SEL1L: variants seen among roughly 807,000 people sequenced by gnomAD.
SEL1L encodes the protein protein sel-1 homolog 1.
SEL1L carries 52 observed loss-of-function variants against 109.8 expected under a neutral mutation model. The ratio of observed to expected loss-of-function variants is 0.47; its 90% CI spans 0.38 to 0.60. SEL1L has a LOEUF of 0.60. SEL1L is among the 20% of genes least tolerant of loss of function. The pLI, the probability that SEL1L is intolerant of heterozygous loss-of-function variation, is 0.00. For missense variants in SEL1L, 749 were observed against 962.2 expected (o/e 0.78, Z 2.93); for synonymous variants, 373 against 339.6 (o/e 1.10, Z -1.08).
chr14:81,503,879 G>T (rs1227274566), intron 5 of SEL1L, among the ~76,000 whole-genome samples: 1 of 152,084 alleles, frequency 6.6e-6, no homozygotes, highest in Non-Finnish European at 1.5e-5. Flanking sequence ...AAACGTACTT[G>T]ACAACAATTC....
At position 81,477,131 on chromosome 14, in the gene SEL1L, C is replaced by A. The variant is rs748407403; in HGVS notation, c.2226G>T (p.Glu742Asp). ...QLDMDQLLGPEWDLYLMTIIA... is the reference protein window; with the variant it reads ...QLDMDQLLGPDWDLYLMTIIA... ...TGATGGTCATGAGGTAAAGGTCCCA[C>A]TCAGGTCCCAAAAGCTGGTCCATAT... The change falls in exon 21 of 21, where the codon GAG becomes GAT. Residue 742 changes from glutamate (E) to aspartate (D), a missense_variant. Around this residue, in one of 2 missense-constraint regions of SEL1L, gnomAD observed 383 missense variants for 562.5 expected, o/e 0.68. Transcript: ENST00000336735. 1 of 1,614,158 alleles carries A rather than the reference C, an allele frequency of 6.2e-7. No individual in the cohort carries two copies. The highest frequency in any genetic ancestry group is 2.2e-5 in the East Asian group (1 of 44,882).
At chr14:81,505,984 T>C (rs1345717935) in intron 4 of SEL1L, 90 bp downstream of exon 4, 8 of 1,298,236 alleles carry the variant, frequency 6.2e-6, no homozygotes, top group Admixed American at 2.1e-5. Context: ...TTCTGACCAA[T>C]GTGGAAAAAG....
intron 3 of SEL1L, among the ~76,000 whole-genome samples, chr14:81,511,522 C>T (rs1174368324): frequency 6.6e-6 from 1 of 152,178 alleles, no homozygotes; most frequent in East Asian, 1.9e-4. Flanking sequence ...GGATGGTCTC[C>T]TAAAGGAGTT....
intron 3 of SEL1L, among the ~76,000 whole-genome samples, chr14:81,513,478 T>C (rs974989055): frequency 3.3e-5 from 5 of 152,110 alleles, no homozygotes; most frequent in Non-Finnish European, 7.4e-5. Context: ...CCTTAAGAAC[T>C]GTAACACTCA....
chr14:81,514,802 C>T (rs952113441), intron 3 of SEL1L, among the ~76,000 whole-genome samples: 8 of 152,112 alleles, frequency 5.3e-5, no homozygotes, highest in Admixed American at 2.6e-4. Context: ...ACCCATAAAC[C>T]CTGAAAAAGA....
intron 3 of SEL1L, among the ~76,000 whole-genome samples, chr14:81,513,731 C>T (rs1452451557): frequency 6.6e-6 from 1 of 152,184 alleles, no homozygotes; most frequent in Admixed American, 6.5e-5. Context: ...GGATGTCAGG[C>T]TTTCTGGGAA....
intron 1 of SEL1L, among the ~76,000 whole-genome samples, chr14:81,533,169 A>C (rs1011220038): frequency 6.6e-6 from 1 of 152,210 alleles, no homozygotes; most frequent in South Asian, 2.1e-4. Context: ...CGATGAGATC[A>C]AAAGTCTTCG....
chr14:81,507,400 ATATG>A (rs1884282395), intron 3 of SEL1L, among the ~76,000 whole-genome samples: 1 of 152,040 alleles, frequency 6.6e-6, no homozygotes, highest in East Asian at 1.9e-4. Context: ...AAGGAGGTAG[ATATG>A]GTACCACTTT....
At chr14:81,533,634 C>G in intron 1 of SEL1L, 41 bp downstream of exon 1, 1 of 1,593,458 alleles carries the variant, frequency 6.3e-7, no homozygotes. Context: ...GGCTGGGGGG[C>G]GGAGGCTCTG....
Position 81,486,284 on chromosome 14 carries a change from C to A in SEL1L, c.1798+5G>T. On this transcript the variant is annotated splice_donor_5th_base_variant and intron_variant, in intron 17 of 20. Coordinates refer to ENST00000336735, the MANE Select transcript of SEL1L (RefSeq NM_005065.6). ...AACCTAAGGCAGGACTAAAATGAAC[C>A]TTACTCTGATCAAGAATAAAGGCTG... 3.7e-6 allele frequency: 6 copies of A among 1,613,974 alleles called. No homozygotes were observed. Among genetic ancestry groups the A allele is most frequent in the Non-Finnish European group, 5.1e-6 (6 of 1,179,946 alleles).
Position 81,472,340 on chromosome 14 carries a change from T to G in SEL1L, c.*4632A>C. ...ATCTGACATCTCAGTTGCCACAGTT[T>G]GCATCATGTAGGCTTTTTATCCAAG... is the stretch of plus-strand genomic sequence containing the variant. On this transcript the variant is annotated 3_prime_UTR_variant, in exon 21 of 21. Coordinates refer to ENST00000336735, the MANE Select transcript of SEL1L (RefSeq NM_005065.6). 1 of 198,458 alleles carries G rather than the reference T, an allele frequency of 5.0e-6. No individual in the cohort carries two copies. The highest frequency in any genetic ancestry group is 7.3e-5 in the South Asian group (1 of 13,716). 12.3% of individuals were successfully genotyped at this position (198,458 alleles called of 1,614,324 possible). A position where few individuals can be genotyped will look rare whatever the true frequency, so the allele number is the denominator to read the frequency against.
At chr14:81,484,689 C>T (rs1322399855) in intron 18 of SEL1L, among the ~76,000 whole-genome samples, 1 of 152,162 alleles carries the variant, frequency 6.6e-6, no homozygotes, top group Non-Finnish European at 1.5e-5. Flanking sequence ...ATCTGAAATG[C>T]TCCAAAACCT....
At position 81,471,719 on chromosome 14, in the gene SEL1L, C is replaced by T. The variant is rs1168337728; in HGVS notation, c.*5253G>A. 3 of 152,076 alleles carry T rather than the reference C, an allele frequency of 2.0e-5. No homozygotes were observed. In the East Asian group the frequency reaches 5.8e-4, roughly 29 times the overall value. 9.4% of individuals were successfully genotyped at this position (152,076 alleles called of 1,614,324 possible). A position where few individuals can be genotyped will look rare whatever the true frequency, so the allele number is the denominator to read the frequency against. ...ATTAACCCAGATAAAAAGAATTTGG[C>T]CTCTAGGGAAAATCAGAGTTCTACT... On this transcript the variant is annotated 3_prime_UTR_variant, in exon 21 of 21. Transcript: ENST00000336735.
intron 6 of SEL1L, among the ~76,000 whole-genome samples, chr14:81,500,758 A>G (rs1377406476): frequency 6.7e-6 from 1 of 148,668 alleles, no homozygotes; most frequent in African/African-American, 2.6e-5. Context: ...TATCTCAGAT[A>G]TAAAAAGGAG....
At chr14:81,504,500 T>C (rs530101356) in intron 4 of SEL1L, among the ~76,000 whole-genome samples, 194 bp from the exon 5 acceptor site, 23 of 152,020 alleles carry the variant, frequency 1.5e-4, no homozygotes, top group Middle Eastern at 3.4e-3. Context: ...TATATATATA[T>C]ACACACATAT....
At chr14:81,506,522 T>C (rs1017178102) in intron 3 of SEL1L, among the ~76,000 whole-genome samples, 2 of 152,136 alleles carry the variant, frequency 1.3e-5, no homozygotes, top group Non-Finnish European at 2.9e-5. Flanking sequence ...ACTGTAAAAC[T>C]CCTGCCCAAA....
At chr14:81,497,324 A>G (rs1221506142) in intron 10 of SEL1L, among the ~76,000 whole-genome samples, 2 of 152,248 alleles carry the variant, frequency 1.3e-5, no homozygotes, top group Admixed American at 6.5e-5. Context: ...TATAAATGTT[A>G]AAGTTCTTTT....
At chr14:81,487,246 C>T (rs745697322) in intron 16 of SEL1L, 144 bp downstream of exon 16, 4 of 656,162 alleles carry the variant, frequency 6.1e-6, no homozygotes, top group African/African-American at 1.9e-5. Context: ...ACAGACCCCT[C>T]GGTCTTCCCT....
intron 1 of SEL1L, among the ~76,000 whole-genome samples, chr14:81,529,122 AC>A (rs1885229965): frequency 6.6e-6 from 1 of 152,130 alleles, no homozygotes; most frequent in Non-Finnish European, 1.5e-5. Context: ...AGGGTATGCC[AC>A]ATATTAGTCC....
Sources: gnomAD v4.1 joint callset for allele counts (sites outside exome capture counted in the v4.1 genomes callset) on GRCh38, gnomAD v4.1.1 for gene constraint, gnomAD v4.1.1 regional missense constraint, MANE v1.5 for transcripts, NCBI Gene and HGNC (gene_info 2026-07-23, HGNC 2026-07-21) for gene names.